Variants in PACS2 observed in about 807,000 individuals in gnomAD.
The protein encoded by PACS2 is phosphofurin acidic cluster sorting protein 2.
Under a neutral mutation model 113.0 loss-of-function variants are expected in PACS2, and 36 were observed. The ratio of observed to expected loss-of-function variants is 0.32; its 90% CI spans 0.24 to 0.42. The LOEUF (loss-of-function observed/expected upper bound fraction) is 0.42. PACS2 is among the 10% of genes least tolerant of loss of function. PACS2 has a pLI of 1.00. For missense variants in PACS2, 1,015 were observed against 1,239.5 expected, an observed-to-expected ratio of 0.82 and a Z score of 2.72; for synonymous variants, 589 against 536.1, an observed-to-expected ratio of 1.10 and a Z score of -1.36.
Position 105,352,397 on chromosome 14 carries a change from G to C in PACS2, c.227G>C (p.Arg76Pro). 1 of 1,612,242 alleles carries C rather than the reference G, an allele frequency of 6.2e-7. No homozygotes were observed. The highest frequency in any genetic ancestry group is 8.5e-7 in the Non-Finnish European group (1 of 1,178,490). ...TCACAGGGCTCCAAACGAATCCTGC[G>C]GTCCCATGAGATTGTGCTGCCCCCC... ...VKMQGSKRILRSHEIVLPPSG... is the reference protein window; with the variant it reads ...VKMQGSKRILPSHEIVLPPSG... Residue 76 changes from arginine to proline, a missense_variant, in exon 3 of 25, where the codon CGG (arginine) becomes CCG (proline). Coordinates refer to ENST00000447393, the MANE Select transcript of PACS2 (RefSeq NM_001100913.3).
chr14:105,377,065 G>A (rs1759265160), intron 9 of PACS2, 140 bp downstream of exon 9: 1 of 887,346 alleles, frequency 1.1e-6, no homozygotes, highest in African/African-American at 1.7e-5. Flanking sequence ...GAAGGCTCTG[G>A]TGGCTGGAAG....
At chr14:105,322,412 C>T (rs190827900) in intron 1 of PACS2, among the ~76,000 whole-genome samples, 6 of 151,578 alleles carry the variant, frequency 4.0e-5, no homozygotes, top group Admixed American at 6.6e-5. Flanking sequence ...TACAGGTGCG[C>T]GCCACCGCAC....
intron 5 of PACS2, 85 bp downstream of exon 5, chr14:105,367,460 C>G (rs1222059278): frequency 2.2e-6 from 3 of 1,389,084 alleles, no homozygotes; most frequent in Non-Finnish European, 3.0e-6. Context: ...CAGAAACTGT[C>G]CAGCCTGGCT....
At chr14:105,309,665 C>T (rs931901651), upstream of PACS2, among the ~76,000 whole-genome samples, 7 of 151,854 alleles carry the variant, frequency 4.6e-5, no homozygotes, top group East Asian at 1.9e-4. The surrounding 1 kb of genome is among the most constrained non-coding windows in gnomAD (Gnocchi z 4.0). Flanking sequence ...GCGCTGCCTG[C>T]GCCCAACCCA....
rs2141072964 is a variant in PACS2, at chr14:105,358,475, AGCACCC to A, written c.423+3300_423+3305del. 6.6e-6 allele frequency among the ~76,000 whole-genome samples: 1 copy of A among 152,276 alleles called. No homozygotes were observed. The highest frequency in any genetic ancestry group is 2.1e-4 in the South Asian group (1 of 4,830). ...TGGTGTGGCTCTCAGAACTCACCCC[AGCACCC>A]GTAGAGGGAGTGTGTAGGGGTGGGC... On this transcript the variant is annotated intron_variant, in intron 4 of 24. Coordinates refer to ENST00000447393, the MANE Select transcript of PACS2 (RefSeq NM_001100913.3). This position sits in a 1 kb window ranked among gnomAD's most constrained non-coding sequence, Gnocchi z 4.9.
chr14:105,303,443 CTGTGT>C (rs2058093883), intron 1 of PACS2, among the ~76,000 whole-genome samples: 1 of 152,084 alleles, frequency 6.6e-6, no homozygotes, highest in African/African-American at 2.4e-5. Flanking sequence ...CAGGGTTTCA[CTGTGT>C]TAGCCAGGAT....
At chr14:105,370,137 A>G (rs1039018714) in intron 8 of PACS2, 1 of 457,052 alleles carries the variant, frequency 2.2e-6, no homozygotes, top group Admixed American at 4.1e-5. Context: ...GAAGTCGGAA[A>G]GTCATTTTCA....
At chr14:105,319,131 A>G (rs587636664) in intron 1 of PACS2, among the ~76,000 whole-genome samples, 1 of 151,180 alleles carries the variant, frequency 6.6e-6, no homozygotes, top group African/African-American at 2.4e-5. Flanking sequence ...TATTTTTAGT[A>G]GAGACAGGGT....
At chr14:105,369,959 A>C (rs2061090250) in intron 8 of PACS2, 59 bp downstream of exon 8, 8 of 1,450,044 alleles carry the variant, frequency 5.5e-6, no homozygotes, top group African/African-American at 1.4e-5. Flanking sequence ...CCTGGTCGGG[A>C]GGAGGCCTCT....
intron 1 of PACS2, chr14:105,301,238 G>A (rs983058677): frequency 6.6e-6 from 1 of 152,316 alleles, no homozygotes; most frequent in Non-Finnish European, 1.5e-5. Flanking sequence ...GGGCAGAGGA[G>A]GGTCCTCCTC....
intron 1 of PACS2, among the ~76,000 whole-genome samples, chr14:105,316,673 A>G (rs1021877479): frequency 1.3e-5 from 2 of 151,930 alleles, no homozygotes; most frequent in African/African-American, 4.8e-5. Flanking sequence ...CCAGGGGTCT[A>G]GAAAGCCCAC....
At chr14:105,359,617 A>G (rs1301903625) in intron 4 of PACS2, among the ~76,000 whole-genome samples, 2 of 116,264 alleles carry the variant, frequency 1.7e-5, no homozygotes, top group African/African-American at 3.6e-5. Flanking sequence ...TTTGAGACAG[A>G]ATCTCGCTCT....
intron 1 of PACS2, among the ~76,000 whole-genome samples, chr14:105,338,406 G>A (rs1234978493): frequency 5.3e-5 from 8 of 152,198 alleles, no homozygotes; most frequent in African/African-American, 1.9e-4. Context: ...GCCGAGGGGG[G>A]CGGTGGTGGG....
chr14:105,366,559 G>A lies in PACS2; in HGVS notation c.424-654G>A, dbSNP rs1267775091. ...GTGGCTGCAGGAGGGGCCGGGGCTT[G>A]TTCTGCAGCTCCGTGGTTTGAGTGC... On this transcript the variant is annotated intron_variant, in intron 4 of 24. Transcript: ENST00000447393. The surrounding 1 kb of genome is among the most constrained non-coding windows in gnomAD (Gnocchi z 4.3). Among the ~76,000 whole-genome samples the A allele has an allele frequency of 3.3e-5, 5 of 152,176 alleles. No individual in the cohort carries two copies. Among genetic ancestry groups the A allele is most frequent in the African/African-American group, 1.2e-4 (5 of 41,432 alleles).
chr14:105,359,633 C>A (rs2060597813), intron 4 of PACS2, among the ~76,000 whole-genome samples: 1 of 147,816 alleles, frequency 6.8e-6, no homozygotes, highest in Admixed American at 6.7e-5. Flanking sequence ...GCTCTGTCGC[C>A]CAGGCTGGAG....
Position 105,388,105 on chromosome 14 carries a change from A to T in PACS2, c.2034-1856A>T, listed in dbSNP as rs587774351. Among the ~76,000 whole-genome samples the T allele has an allele frequency of 2.6e-5, 4 of 152,330 alleles. No individual in the cohort carries two copies. The East Asian group carries it at 7.7e-4, about 29-fold the overall frequency. ...ATGGACAAGAAGAGGGGAAAGTTTC[A>T]ACTCTTCTCCTTAGAAATGGAACTA... is the stretch of plus-strand genomic sequence containing the variant. On this transcript the variant is annotated intron_variant, in intron 19 of 24. Transcript: ENST00000447393.
In PACS2 at chr14:105,355,264, C is replaced by A; in HGVS notation, c.423+87C>A. 6.9e-7 allele frequency: 1 copy of A among 1,453,866 alleles called. No individual in the cohort carries two copies. The highest frequency in any genetic ancestry group is 2.3e-5 in the East Asian group (1 of 42,682). The allele number at this position is 1,453,866 out of a possible 1,614,324, so 90.1% of individuals were successfully genotyped here. A position where few individuals can be genotyped will look rare whatever the true frequency, so the allele number is the denominator to read the frequency against. ...CCGTGGGAGATGGAGATGTCTCTCC[C>A]GGGTCCAGATGTCCAGGGATCAGGT... On this transcript the variant is annotated intron_variant, in intron 4 of 24. Coordinates refer to ENST00000447393, the MANE Select transcript of PACS2 (RefSeq NM_001100913.3). The surrounding 1 kb of genome is among the most constrained non-coding windows in gnomAD (Gnocchi z 4.1).
In PACS2 at chr14:105,317,322, A is replaced by G. The variant is rs972462478; in HGVS notation, c.119+2285A>G. On this transcript the variant is annotated intron_variant, in intron 1 of 24. Transcript: ENST00000447393. The surrounding 1 kb of genome is among the most constrained non-coding windows in gnomAD (Gnocchi z 4.2). Reference sequence around the variant, plus strand: ...CAGTCTTCTGCGTGTGTCTTTCTGGATGGGCAGGGCCTGTCTTAAGCATGT... The same window carrying G: ...CAGTCTTCTGCGTGTGTCTTTCTGGGTGGGCAGGGCCTGTCTTAAGCATGT... Among the ~76,000 whole-genome samples, 3 of 151,950 alleles carry G rather than the reference A, an allele frequency of 2.0e-5. No homozygotes were observed. Among genetic ancestry groups the G allele is most frequent in the African/African-American group, 7.3e-5 (3 of 41,338 alleles).
At position 105,317,212 on chromosome 14, in the gene PACS2, C is replaced by T. The variant is rs587725614; in HGVS notation, c.119+2175C>T. On this transcript the variant is annotated intron_variant, in intron 1 of 24. Transcript: ENST00000447393. This position sits in a 1 kb window ranked among gnomAD's most constrained non-coding sequence, Gnocchi z 4.2. ...ACTATTCACTGGCGTGACAGTACCT[C>T]GGCTTTGCTTCTGTCAAGGGACCTT... Among the ~76,000 whole-genome samples, 29 of 152,304 alleles carry T rather than the reference C, an allele frequency of 1.9e-4. No homozygotes were observed. Among genetic ancestry groups the T allele is most frequent in the Admixed American group, 5.2e-4 (8 of 15,302 alleles).
Sources: allele counts gnomAD v4.1 joint callset (sites outside exome capture counted in the v4.1 genomes callset), GRCh38; gene constraint gnomAD v4.1.1; non-coding constraint Gnocchi (gnomAD v3.1); transcripts MANE v1.5; gene names NCBI Gene and HGNC (gene_info 2026-07-23, HGNC 2026-07-21).